The following ATRX variants were observed in gnomAD, a reference collection of about 807,000 sequenced individuals.
ATRX encodes chromatin remodeler ATRX.
ATRX carries 12 observed loss-of-function variants against 172.6 expected under a neutral mutation model. The ratio of observed to expected loss-of-function variants is 0.07; its 90% CI spans 0.04 to 0.11. The LOEUF (loss-of-function observed/expected upper bound fraction) is 0.11, where lower values mean the gene tolerates loss of function less well. Among genes scored for constraint, ATRX ranks in the 10% least tolerant of loss-of-function variants. ATRX has a pLI of 1.00. For synonymous variants in ATRX, 674 were observed against 594.7 expected, an observed-to-expected ratio of 1.13 and a Z score of -1.94; for missense variants, 1,368 against 1,767.4, an observed-to-expected ratio of 0.77 and a Z score of 4.05.
At chrX:77,684,648 A>G (rs45565042) in intron 8 of ATRX, 55 bp from the exon 9 acceptor site, 2 of 1,096,969 alleles carry the variant, frequency 1.8e-6, no homozygotes, top group African/African-American at 1.8e-5. Flanking sequence ...AACTGAAAAG[A>G]TATGTAAAAA....
rs1278456145 is a variant in ATRX at position 77,507,066 on chromosome X, C to A, written c.*1285G>T. On this transcript the variant is annotated 3_prime_UTR_variant, in exon 35 of 35. Transcript: ENST00000373344. The stretch of plus-strand genomic sequence containing the variant: ...ATTGTACATGAATAAATTTATAGGT[C>A]ATTTTTGCAGAACTGGATTAAGAAA... The A allele has an allele frequency of 2.4e-5, 4 of 169,806 alleles. No individual in the cohort carries two copies. The highest frequency in any genetic ancestry group is 3.3e-5 in the Non-Finnish European group (3 of 90,175). 14.0% of individuals were successfully genotyped at this position (169,806 alleles called of 1,213,427 possible). A position where few individuals can be genotyped will look rare whatever the true frequency, so the allele number is the denominator to read the frequency against.
intron 1 of ATRX, among the ~76,000 whole-genome samples, chrX:77,738,942 G>A (rs2074729397): frequency 9.0e-6 from 1 of 111,311 alleles, no homozygotes; most frequent in Non-Finnish European, 1.9e-5. Flanking sequence ...TTTCATCTTT[G>A]TTCTTTGCCA....
rs184937841 is a variant in ATRX, at chrX:77,736,616, C to G, written c.21-19373G>C. ...AAAGAAAATCCTCATACACAGTTGGCAACAACGTGAAATAGGACAACCACT... is the reference window on the plus strand; with the variant it reads ...AAAGAAAATCCTCATACACAGTTGGGAACAACGTGAAATAGGACAACCACT... On this transcript the variant is annotated intron_variant, in intron 1 of 34. Transcript: ENST00000373344. Among the ~76,000 whole-genome samples, 288 of 112,477 alleles carry G rather than the reference C, an allele frequency of 2.6e-3. 2 individuals carry two copies. The highest frequency in any genetic ancestry group is 1.8e-3 in the Non-Finnish European group (96 of 53,284).
chrX:77,769,218 G>T (rs1341411394), intron 1 of ATRX, among the ~76,000 whole-genome samples: 4 of 110,828 alleles, frequency 3.6e-5, no homozygotes, highest in Admixed American at 9.7e-5. Flanking sequence ...TTTTCTAAAT[G>T]GGAAAAGCAG....
At chrX:77,635,875 A>T in intron 16 of ATRX, 40 bp downstream of exon 16, 4 of 1,159,646 alleles carry the variant, frequency 3.4e-6, no homozygotes, top group Non-Finnish European at 4.7e-6. Context: ...ATTGGTAAAA[A>T]TTTAACTAAA....
intron 3 of ATRX, 140 bp downstream of exon 3, chrX:77,698,434 G>A (rs1347916679): frequency 1.8e-5 from 9 of 495,942 alleles, no homozygotes; most frequent in Non-Finnish European, 2.7e-5. Flanking sequence ...TTCTCAAACT[G>A]GAAAACAACG....
intron 2 of ATRX, among the ~76,000 whole-genome samples, chrX:77,706,892 C>T (rs1198829706): frequency 9.0e-6 from 1 of 111,416 alleles, no homozygotes; most frequent in Non-Finnish European, 1.9e-5. Context: ...AGCAACAGAG[C>T]AAAACCCTGT....
intron 1 of ATRX, among the ~76,000 whole-genome samples, chrX:77,752,741 C>T (rs1037013099): frequency 2.7e-5 from 3 of 112,051 alleles, no homozygotes; most frequent in Non-Finnish European, 5.6e-5. Context: ...GTTCTTGTCA[C>T]TGGTTCCGTT....
chrX:77,515,241 A>C (rs1288791988), intron 34 of ATRX, among the ~76,000 whole-genome samples: 3 of 111,711 alleles, frequency 2.7e-5, no homozygotes, highest in Non-Finnish European at 5.6e-5. Flanking sequence ...CTGCAATCCT[A>C]TTACTGGGTA....
chrX:77,739,398 T>TAA (rs1340041279), intron 1 of ATRX, among the ~76,000 whole-genome samples: 2 of 108,314 alleles, frequency 1.8e-5, no homozygotes, highest in African/African-American at 3.3e-5. Context: ...TATATATATA[T>TAA]AATCAGATAT....
intron 21 of ATRX, among the ~76,000 whole-genome samples, chrX:77,617,069 A>G (rs1376375500): frequency 1.8e-5 from 2 of 111,740 alleles, no homozygotes; most frequent in Non-Finnish European, 3.8e-5. Flanking sequence ...GAGGGGATGT[A>G]GTAGGTAGTG....
chrX:77,585,448 T>C (rs1324213918), intron 27 of ATRX, among the ~76,000 whole-genome samples: 1 of 105,224 alleles, frequency 9.5e-6, no homozygotes, highest in African/African-American at 3.5e-5. Context: ...TGGTAGTGTA[T>C]GCCTGTAGTC....
At chrX:77,568,500 A>G (rs2065284451) in intron 28 of ATRX, among the ~76,000 whole-genome samples, 1 of 112,112 alleles carries the variant, frequency 8.9e-6, no homozygotes, top group Non-Finnish European at 1.9e-5. Flanking sequence ...CTCCCAAAAA[A>G]AGAAATCTTC....
chrX:77,621,218 C>T (rs2067566295), intron 19 of ATRX, among the ~76,000 whole-genome samples: 1 of 111,823 alleles, frequency 8.9e-6, no homozygotes, highest in African/African-American at 3.2e-5. Flanking sequence ...TGCATTTGTA[C>T]CTGAACAAAT....
At chrX:77,681,413 T>C in intron 9 of ATRX, 107 bp downstream of exon 9, 1 of 803,793 alleles carries the variant, frequency 1.2e-6, no homozygotes, top group South Asian at 2.3e-5. Flanking sequence ...AGTGGTATTC[T>C]CCTAAGTAGT....
chrX:77,653,431 A>T (rs188578263), intron 14 of ATRX, among the ~76,000 whole-genome samples: 121 of 112,089 alleles, frequency 1.1e-3, no homozygotes, highest in African/African-American at 3.8e-3. Flanking sequence ...TATGTCAATG[A>T]AATAAGCCAG....
At chrX:77,614,901 G>A (rs913791691) in intron 22 of ATRX, among the ~76,000 whole-genome samples, 20 of 111,288 alleles carry the variant, frequency 1.8e-4, no homozygotes, top group African/African-American at 5.9e-4. Flanking sequence ...TCCCAGATTC[G>A]GGTATCTATC....
intron 30 of ATRX, among the ~76,000 whole-genome samples, chrX:77,543,656 C>T (rs1557051940): frequency 9.0e-6 from 1 of 111,306 alleles, no homozygotes; most frequent in Non-Finnish European, 1.9e-5. Flanking sequence ...ATGTCCTTTG[C>T]AGGGACATGG....
rs149326929 is a variant in ATRX, at chrX:77,588,527, G to A, written c.6217+1307C>T. ...TCACACCTTAATCCCAGCACTTTGGGAGGCCAACGAGGGAGGACTGCTTCA... is the reference window on the plus strand; with the variant it reads ...TCACACCTTAATCCCAGCACTTTGGAAGGCCAACGAGGGAGGACTGCTTCA... On this transcript the variant is annotated intron_variant, in intron 27 of 34. Coordinates refer to ENST00000373344, the MANE Select transcript of ATRX (RefSeq NM_000489.6). Among the ~76,000 whole-genome samples the A allele has an allele frequency of 6.7e-4, 75 of 111,778 alleles. No individual in the cohort carries two copies. The East Asian group carries it at 0.015, about 23-fold the overall frequency.
Sources: gnomAD v4.1 joint callset for allele counts (sites outside exome capture counted in the v4.1 genomes callset) on GRCh38, gnomAD v4.1.1 for gene constraint, MANE v1.5 for transcripts, NCBI Gene and HGNC (gene_info 2026-07-23, HGNC 2026-07-21) for gene names.